PHACTR1: variants seen among roughly 807,000 people sequenced by gnomAD.
PHACTR1 encodes phosphatase and actin regulator 1.
In PHACTR1, 16 loss-of-function variants were observed where a neutral mutation model predicts 69.2. The observed-to-expected ratio is 0.23, with a 90% CI of 0.16 to 0.35. The LOEUF (loss-of-function observed/expected upper bound fraction) is 0.35, where lower values mean the gene tolerates loss of function less well. Among genes scored for constraint, PHACTR1 ranks in the 10% least tolerant of loss-of-function variants. The pLI is 1.00. For synonymous variants in PHACTR1, 312 were observed against 284.5 expected (o/e 1.10, Z -0.97); for missense variants, 510 against 734.7 (o/e 0.69, Z 3.54).
intron 5 of PHACTR1, among the ~76,000 whole-genome samples, chr6:13,116,157 C>T (rs573720575): frequency 1.3e-5 from 2 of 152,270 alleles, no homozygotes; most frequent in South Asian, 2.1e-4. Context: ...CTCCAGTTCT[C>T]GTGGACACTA....
intron 4 of PHACTR1, among the ~76,000 whole-genome samples, chr6:12,926,756 T>C (rs1335071842): frequency 1.3e-5 from 2 of 152,250 alleles, no homozygotes; most frequent in Admixed American, 1.3e-4. Flanking sequence ...TGTTTACAAA[T>C]CCGTCTTACA....
At chr6:13,271,181 G>C (rs1164287398) in intron 10 of PHACTR1, among the ~76,000 whole-genome samples, 1 of 152,000 alleles carries the variant, frequency 6.6e-6, no homozygotes, top group Non-Finnish European at 1.5e-5. Flanking sequence ...GCTAATTTTT[G>C]TATTTTTAAT....
intron 4 of PHACTR1, among the ~76,000 whole-genome samples, chr6:12,790,586 T>A (rs572675360): frequency 1.3e-5 from 2 of 152,354 alleles, no homozygotes; most frequent in South Asian, 4.1e-4. Context: ...GTCTGTTTTG[T>A]TCAGTAACCA....
chr6:13,264,679 A>G (rs1776371707), intron 10 of PHACTR1, among the ~76,000 whole-genome samples: 1 of 152,138 alleles, frequency 6.6e-6, no homozygotes, highest in Admixed American at 6.5e-5. Flanking sequence ...AGTTTGCACC[A>G]CTGCACTCCA....
chr6:12,847,692 T>G (rs979070608), intron 4 of PHACTR1, among the ~76,000 whole-genome samples: 5 of 152,140 alleles, frequency 3.3e-5, no homozygotes, highest in Non-Finnish European at 7.4e-5. Context: ...CCAAGATGTT[T>G]CAGTGGCACA....
chr6:13,074,347 A>G (rs1810061414), intron 5 of PHACTR1, among the ~76,000 whole-genome samples: 1 of 152,238 alleles, frequency 6.6e-6, no homozygotes, highest in African/African-American at 2.4e-5. Context: ...GGCAAAGATA[A>G]GAAATCGATA....
At chr6:13,069,698 A>G (rs1384215260) in intron 5 of PHACTR1, among the ~76,000 whole-genome samples, 2 of 152,168 alleles carry the variant, frequency 1.3e-5, no homozygotes, top group African/African-American at 2.4e-5. Flanking sequence ...ATGTGCTTCA[A>G]CAATGTCATA....
At chr6:12,772,728 G>A (rs1208466647) in intron 4 of PHACTR1, among the ~76,000 whole-genome samples, 1 of 152,130 alleles carries the variant, frequency 6.6e-6, no homozygotes, top group African/African-American at 2.4e-5. Context: ...TGTAAGATCC[G>A]CACTTCCGAC....
intron 4 of PHACTR1, among the ~76,000 whole-genome samples, chr6:13,008,545 C>T (rs1018433800): frequency 1.3e-5 from 2 of 152,196 alleles, no homozygotes; most frequent in East Asian, 1.9e-4. Flanking sequence ...TATATCTCCT[C>T]TTAATCACAG....
chr6:13,131,044 TAAAAAC>T (rs1820322703), intron 5 of PHACTR1, among the ~76,000 whole-genome samples: 2 of 151,982 alleles, frequency 1.3e-5, no homozygotes, highest in South Asian at 4.2e-4. Context: ...TCAACAGAAT[TAAAAAC>T]AAAAATCATG....
chr6:12,887,792 G>A (rs1414393970), intron 4 of PHACTR1, among the ~76,000 whole-genome samples: 1 of 152,104 alleles, frequency 6.6e-6, no homozygotes, highest in Non-Finnish European at 1.5e-5. Context: ...GTATTGGCCA[G>A]GCACGGTGTC....
intron 4 of PHACTR1, among the ~76,000 whole-genome samples, chr6:12,961,726 C>T (rs999646050): frequency 1.1e-4 from 16 of 152,184 alleles, no homozygotes; most frequent in African/African-American, 3.9e-4. Flanking sequence ...TAACAAAATA[C>T]TACTGGGTAG....
intron 3 of PHACTR1, among the ~76,000 whole-genome samples, chr6:12,743,219 A>G (rs1183824847): frequency 1.3e-5 from 2 of 151,792 alleles, no homozygotes; most frequent in Non-Finnish European, 2.9e-5. Context: ...ACGTAAAAAC[A>G]ACTGATGACA....
chr6:13,178,335 C>A (rs927365046), intron 6 of PHACTR1, among the ~76,000 whole-genome samples: 1 of 152,236 alleles, frequency 6.6e-6, no homozygotes, highest in Non-Finnish European at 1.5e-5. Context: ...AGCCACACAG[C>A]CAGCATTTCC....
At chr6:13,111,692 A>G (rs187487451) in intron 5 of PHACTR1, among the ~76,000 whole-genome samples, 80 of 152,280 alleles carry the variant, frequency 5.3e-4, no homozygotes, top group African/African-American at 1.8e-3. Flanking sequence ...ATATAGTTAA[A>G]TCAATAATGC....
At chr6:12,967,663 G>T (rs867149815) in intron 4 of PHACTR1, among the ~76,000 whole-genome samples, 11 of 152,212 alleles carry the variant, frequency 7.2e-5, no homozygotes, top group Middle Eastern at 3.4e-3. Flanking sequence ...AGAAATCTTT[G>T]ATCTCTTCTT....
intron 6 of PHACTR1, among the ~76,000 whole-genome samples, chr6:13,168,702 G>A (rs561739405): frequency 1.3e-5 from 2 of 152,184 alleles, no homozygotes; most frequent in African/African-American, 2.4e-5. Context: ...GGAACCCTGC[G>A]GGGTGAGTAA....
At chr6:12,833,547 C>T (rs1777823254) in intron 4 of PHACTR1, among the ~76,000 whole-genome samples, 1 of 152,176 alleles carries the variant, frequency 6.6e-6, no homozygotes, top group Non-Finnish European at 1.5e-5. Flanking sequence ...ACGTGAGCCA[C>T]TGTGCCCGGC....
intron 4 of PHACTR1, among the ~76,000 whole-genome samples, chr6:12,822,618 G>A (rs570324212): frequency 1.1e-4 from 16 of 152,308 alleles, no homozygotes; most frequent in Middle Eastern, 3.4e-3. Context: ...TGTTAGAGGA[G>A]CCGGGGCATC....
Sources: allele counts gnomAD v4.1 joint callset (sites outside exome capture counted in the v4.1 genomes callset), GRCh38; gene constraint gnomAD v4.1.1; transcripts MANE v1.5; gene names NCBI Gene and HGNC (gene_info 2026-07-23, HGNC 2026-07-21).